The following VPS8 variants were observed in gnomAD, a reference collection of about 807,000 sequenced individuals.
The protein encoded by VPS8 is vacuolar protein sorting-associated protein 8 homolog.
A neutral mutation model predicts 216.4 loss-of-function variants in VPS8; 129 were observed. The ratio of observed to expected loss-of-function variants is 0.60; its 90% confidence interval spans 0.52 to 0.69. The LOEUF (loss-of-function observed/expected upper bound fraction) is 0.69. Ranked by LOEUF, VPS8 falls within the 30% of genes least tolerant of loss-of-function variation. The pLI is 0.00. For synonymous variants in VPS8, 571 were observed against 565.4 expected (o/e 1.01, Z -0.14); for missense variants, 1,531 against 1,683.5 (o/e 0.91, Z 1.59).
intron 1 of VPS8, among the ~76,000 whole-genome samples, chr3:184,822,697 A>T (rs1717867835): frequency 6.6e-6 from 1 of 152,234 alleles, no homozygotes. Context: ...TAGTGGTACA[A>T]ATAGGAGTTG....
intron 28 of VPS8, among the ~76,000 whole-genome samples, chr3:184,916,772 TAGAA>T (rs1257958916): frequency 6.6e-6 from 1 of 152,164 alleles, no homozygotes; most frequent in East Asian, 1.9e-4. Context: ...GGAGGAGGTT[TAGAA>T]AGAGTGTTAG....
intron 2 of VPS8, among the ~76,000 whole-genome samples, chr3:184,825,457 C>T (rs993482162): frequency 1.3e-5 from 2 of 152,120 alleles, no homozygotes; most frequent in South Asian, 4.1e-4. Flanking sequence ...AATTATCTCT[C>T]ACCATAATTT....
intron 1 of VPS8, among the ~76,000 whole-genome samples, chr3:184,814,067 T>C (rs1054036443): frequency 6.6e-6 from 1 of 152,264 alleles, no homozygotes; most frequent in Non-Finnish European, 1.5e-5. Flanking sequence ...CAAGGAAATA[T>C]AGCTTTGCGT....
intron 36 of VPS8, among the ~76,000 whole-genome samples, chr3:184,947,523 A>C (rs1743917187): frequency 6.6e-6 from 1 of 151,312 alleles, no homozygotes; most frequent in South Asian, 2.1e-4. Flanking sequence ...GTTATATCTT[A>C]TTTCAGGAGG....
At chr3:184,903,833 C>T (rs1167107542) in intron 25 of VPS8, among the ~76,000 whole-genome samples, 1 of 151,814 alleles carries the variant, frequency 6.6e-6, no homozygotes, top group Non-Finnish European at 1.5e-5. Context: ...TGAATCTGTA[C>T]ATCAATTTTA....
At position 185,029,898 on chromosome 3, in the gene VPS8, A is replaced by G. The variant is rs181324246; in HGVS notation, c.4056+5509A>G. On this transcript the variant is annotated intron_variant, in intron 46 of 47. Coordinates refer to ENST00000625842, the MANE Select transcript of VPS8 (RefSeq NM_001009921.3). Reference sequence around the variant, plus strand: ...TATCTTTTTACTAGCATTTTGCATTATAGATATTCTTTACAAAAGCTTTAA... The same window carrying G: ...TATCTTTTTACTAGCATTTTGCATTGTAGATATTCTTTACAAAAGCTTTAA... Among the ~76,000 whole-genome samples the G allele has an allele frequency of 1.6e-4, 24 of 152,274 alleles. No homozygotes were observed. The East Asian group carries it at 4.6e-3, about 29-fold the overall frequency.
chr3:184,861,121 C>T (rs1726298968), intron 15 of VPS8, among the ~76,000 whole-genome samples: 1 of 152,156 alleles, frequency 6.6e-6, no homozygotes, highest in Non-Finnish European at 1.5e-5. Flanking sequence ...CGCACCTGGC[C>T]AACTTCTTGG....
chr3:184,911,195 A>G (rs1736463311), intron 25 of VPS8, among the ~76,000 whole-genome samples: 1 of 152,236 alleles, frequency 6.6e-6, no homozygotes, highest in African/African-American at 2.4e-5. Context: ...TCAGCATACA[A>G]TTTACTAATT....
intron 1 of VPS8, among the ~76,000 whole-genome samples, chr3:184,814,906 C>T (rs1715975572): frequency 6.6e-6 from 1 of 152,158 alleles, no homozygotes; most frequent in Admixed American, 6.5e-5. Context: ...TGTGATAAAA[C>T]TTAGCTTAAA....
In VPS8 at chr3:184,994,089, A is replaced by G. The variant is rs1408383802; in HGVS notation, c.3666+26A>G. 4.1e-6 allele frequency: 6 copies of G among 1,479,412 alleles called. No homozygotes were observed. The South Asian group carries it at 8.2e-5, about 20-fold the overall frequency. The allele number at this position is 1,479,412 out of a possible 1,614,324, so 91.6% of individuals were successfully genotyped here. A position where few individuals can be genotyped will look rare whatever the true frequency, so the allele number is the denominator to read the frequency against. ...GTAAGTAAGCTACTTGTTACATCTA[A>G]GTCTGTCCTAAGGTAGAAAAATGCT... On this transcript the variant is annotated intron_variant, in intron 43 of 47. Transcript: ENST00000625842.
At chr3:184,956,269 A>G (rs948964975) in intron 36 of VPS8, among the ~76,000 whole-genome samples, 2 of 152,182 alleles carry the variant, frequency 1.3e-5, no homozygotes, top group Admixed American at 6.5e-5. Flanking sequence ...CCCTGTGGCT[A>G]TTGATGTACT....
chr3:184,969,221 G>A (rs184109796), intron 39 of VPS8, among the ~76,000 whole-genome samples: 1,555 of 151,694 alleles, frequency 0.01, 24 homozygotes, highest in African/African-American at 0.036. Flanking sequence ...AGGTGCAAGC[G>A]ATTCTCCTGC....
intron 3 of VPS8, among the ~76,000 whole-genome samples, 163 bp from the exon 4 acceptor site, chr3:184,832,526 C>T (rs1720215389): frequency 6.6e-6 from 1 of 152,156 alleles, no homozygotes; most frequent in African/African-American, 2.4e-5. Flanking sequence ...GAATTTAATA[C>T]TAGTAATTCT....
At chr3:184,817,976 A>T (rs1042810042) in intron 1 of VPS8, among the ~76,000 whole-genome samples, 2 of 152,214 alleles carry the variant, frequency 1.3e-5, no homozygotes, top group African/African-American at 4.8e-5. Context: ...GGAAGAGGTC[A>T]TAGGCAGATC....
chr3:184,938,346 G>GT (rs1481548381), intron 35 of VPS8, among the ~76,000 whole-genome samples: 7 of 152,188 alleles, frequency 4.6e-5, no homozygotes, highest in African/African-American at 1.7e-4. Context: ...ACAAAAACAT[G>GT]TAAGTGTGAT....
chr3:185,049,682 C>A (rs777879996), intron 47 of VPS8, among the ~76,000 whole-genome samples: 2 of 152,132 alleles, frequency 1.3e-5, no homozygotes, highest in African/African-American at 4.8e-5. Context: ...CCATCTTCTT[C>A]ACTCCCCAAA....
intron 34 of VPS8, among the ~76,000 whole-genome samples, chr3:184,931,833 C>G (rs1336900393): frequency 6.6e-6 from 1 of 152,020 alleles, no homozygotes; most frequent in Non-Finnish European, 1.5e-5. Context: ...CTTTAAGTCT[C>G]CATGGTTATA....
intron 34 of VPS8, among the ~76,000 whole-genome samples, chr3:184,933,980 T>A (rs1219639911): frequency 6.6e-6 from 1 of 152,204 alleles, no homozygotes; most frequent in Non-Finnish European, 1.5e-5. Context: ...CCACCAAAAT[T>A]TTTTTAACTT....
chr3:184,954,704 A>G (rs947180813), intron 36 of VPS8, among the ~76,000 whole-genome samples: 8 of 152,192 alleles, frequency 5.3e-5, no homozygotes, highest in African/African-American at 1.7e-4. Flanking sequence ...TAGTCCCTGT[A>G]GTTTTCAGCC....
Sources: allele counts gnomAD v4.1 joint callset (sites outside exome capture counted in the v4.1 genomes callset), GRCh38; gene constraint gnomAD v4.1.1; transcripts MANE v1.5; gene names NCBI Gene and HGNC (gene_info 2026-07-23, HGNC 2026-07-21).